The following ERG variants were observed in gnomAD, a reference collection of about 807,000 sequenced individuals.
ERG encodes ETS transcription factor ERG.
A neutral mutation model predicts 55.3 loss-of-function variants in ERG; 9 were observed. The observed-to-expected ratio is 0.16, with a 90% CI of 0.10 to 0.28. The LOEUF (loss-of-function observed/expected upper bound fraction) is 0.28, where lower values mean the gene tolerates loss of function less well. ERG is among the 10% of genes least tolerant of loss of function. The pLI, the probability that ERG is intolerant of heterozygous loss-of-function variation, is 1.00. For synonymous variants in ERG, 223 were observed against 237.3 expected (o/e 0.94, Z 0.55); for missense variants, 434 against 631.6 (o/e 0.69, Z 3.35).
intron 5 of ERG, 37 bp from the exon 6 acceptor site, chr21:38,400,682 T>C (rs369205798): frequency 1.5e-5 from 23 of 1,517,738 alleles, no homozygotes; most frequent in Non-Finnish European, 2.1e-5. Context: ...GTGAAGGTCT[T>C]TTGTTGTGGT....
intron 2 of ERG, among the ~76,000 whole-genome samples, chr21:38,568,309 T>C (rs1261890862): frequency 1.3e-5 from 2 of 152,226 alleles, no homozygotes; most frequent in African/African-American, 4.8e-5. Flanking sequence ...CAATACGTAA[T>C]GTGATGTGAT....
At chr21:38,373,024 G>A in the ERG span, among the ~76,000 whole-genome samples, 1 of 152,110 alleles carries the variant, frequency 6.6e-6, no homozygotes, top group African/African-American at 2.4e-5. Context: ...GGAAGCAAAA[G>A]TCTTCTGGTC....
At chr21:38,585,822 C>G (rs2146884510), upstream of ERG, among the ~76,000 whole-genome samples, 1 of 151,976 alleles carries the variant, frequency 6.6e-6, no homozygotes, top group South Asian at 2.1e-4. Flanking sequence ...TCTTCGAAAC[C>G]TATGCATAGA....
chr21:38,402,884 A>G (rs1457986566), intron 4 of ERG, among the ~76,000 whole-genome samples: 3 of 152,168 alleles, frequency 2.0e-5, no homozygotes, highest in Non-Finnish European at 4.4e-5. Flanking sequence ...TTGGGATGCC[A>G]GGCAAAGCAA....
chr21:38,603,421 C>A (rs2060176753), intron 1 of ERG, among the ~76,000 whole-genome samples: 1 of 151,954 alleles, frequency 6.6e-6, no homozygotes, highest in Non-Finnish European at 1.5e-5. Flanking sequence ...GAGATCGAGA[C>A]CATCCTGGTC....
intron 2 of ERG, among the ~76,000 whole-genome samples, chr21:38,426,303 T>C (rs571367120): frequency 2.7e-4 from 41 of 152,356 alleles, no homozygotes; most frequent in Middle Eastern, 3.4e-3. Flanking sequence ...ACACAGAGTG[T>C]CTTCACTTAG....
intron 1 of ERG, among the ~76,000 whole-genome samples, chr21:38,616,736 C>T (rs939350887): frequency 1.5e-4 from 23 of 152,122 alleles, no homozygotes; most frequent in African/African-American, 4.6e-4. Flanking sequence ...CCCTCCCCCA[C>T]CTCATTTTTA....
In ERG at chr21:38,382,133, A is replaced by G. The variant is rs1987466549; in HGVS notation, c.*1270T>C. 1 of 1,054,464 alleles carries G rather than the reference A, an allele frequency of 9.5e-7. No individual in the cohort carries two copies. Among genetic ancestry groups the G allele is most frequent in the Non-Finnish European group, 1.1e-6 (1 of 872,282 alleles). 65.3% of individuals were successfully genotyped at this position (1,054,464 alleles called of 1,614,324 possible). A position where few individuals can be genotyped will look rare whatever the true frequency, so the allele number is the denominator to read the frequency against. ...ATTAAGCATACAGAGTTAAAATTCAAGGCCACATTATATCGATTGTCTCTT... is the reference window on the plus strand; with the variant it reads ...ATTAAGCATACAGAGTTAAAATTCAGGGCCACATTATATCGATTGTCTCTT... On this transcript the variant is annotated 3_prime_UTR_variant, in exon 10 of 10. Coordinates refer to ENST00000288319, the MANE Select transcript of ERG (RefSeq NM_182918.4).
Position 38,382,694 on chromosome 21 carries a change from C to A in ERG, c.*709G>T, listed in dbSNP as rs1987503878. On this transcript the variant is annotated 3_prime_UTR_variant, in exon 10 of 10. Transcript: ENST00000288319. ...CCTCCTTCTCTGCCTCTTCCTCCTC[C>A]TTCTTCACCCCTCTGTCTACAATCA... The A allele has an allele frequency of 9.4e-7, 1 of 1,066,812 alleles. No individual in the cohort carries two copies. Among genetic ancestry groups the A allele is most frequent in the South Asian group, 4.5e-5 (1 of 21,982 alleles). The allele number at this position is 1,066,812 out of a possible 1,614,324, so 66.1% of individuals were successfully genotyped here.
intron 6 of ERG, among the ~76,000 whole-genome samples, chr21:38,394,840 T>C (rs992854383): frequency 1.3e-5 from 2 of 152,176 alleles, no homozygotes; most frequent in African/African-American, 4.8e-5. Context: ...CTTTTACCCA[T>C]GGCATAAGTA....
intron 1 of ERG, among the ~76,000 whole-genome samples, chr21:38,601,238 T>TTA (rs2060162761): frequency 6.6e-6 from 1 of 152,170 alleles, no homozygotes; most frequent in African/African-American, 2.4e-5. Context: ...AATGTCTGAA[T>TTA]AACACCACTG....
chr21:38,604,019 C>T (rs189297768), intron 1 of ERG, among the ~76,000 whole-genome samples: 125 of 151,822 alleles, frequency 8.2e-4, no homozygotes, highest in African/African-American at 2.8e-3. Flanking sequence ...GGGGCCGAGG[C>T]GGGCGGATCA....
rs1988872670 is a variant in ERG, at chr21:38,408,372, C to T, written c.389-4663G>A. On this transcript the variant is annotated intron_variant, in intron 3 of 9. Transcript: ENST00000288319. ...CCTCCATGCCTGTGCCACATGCCAC[C>T]CACAGCGTGAAGGACTAGCACCTTC... Among the ~76,000 whole-genome samples the T allele has an allele frequency of 2.0e-5, 3 of 152,196 alleles. No homozygotes were observed. The South Asian group carries it at 6.2e-4, about 32-fold the overall frequency.
At chr21:38,480,590 CCTT>C (rs1488910611) in intron 1 of ERG, among the ~76,000 whole-genome samples, 8 of 32,284 alleles carry the variant, frequency 2.5e-4, no homozygotes, top group East Asian at 1.6e-3. Flanking sequence ...CACTATATGG[CCTT>C]TTTTTTTTTT....
At chr21:38,577,257 T>C (rs2060000251) in intron 1 of ERG, among the ~76,000 whole-genome samples, 1 of 152,136 alleles carries the variant, frequency 6.6e-6, no homozygotes, top group Non-Finnish European at 1.5e-5. Context: ...GGCACACCCA[T>C]TCCAACCCAA....
intron 1 of ERG, among the ~76,000 whole-genome samples, chr21:38,639,715 C>A (rs941823931): frequency 1.3e-5 from 2 of 152,196 alleles, no homozygotes; most frequent in African/African-American, 4.8e-5. Flanking sequence ...TCCCAAGCTT[C>A]TTGATAACAA....
upstream of ERG, among the ~76,000 whole-genome samples, chr21:38,586,476 G>A (rs561433700): frequency 5.3e-5 from 8 of 151,976 alleles, no homozygotes; most frequent in East Asian, 9.7e-4. Context: ...GTTCCCCTAC[G>A]CTCAACATCA....
At position 38,498,320 on chromosome 21, in the gene ERG, C is replaced by A. The variant is rs370836808; in HGVS notation, c.18+43G>T. Reference sequence around the variant, plus strand: ...TAAAGGAAACCAAAGAAAAGAGTAACAAGAACAAGATTTTGTCAAATTAAA... The same window carrying A: ...TAAAGGAAACCAAAGAAAAGAGTAAAAAGAACAAGATTTTGTCAAATTAAA... On this transcript the variant is annotated intron_variant, in intron 1 of 9. Transcript: ENST00000288319. This position sits in a 1 kb window ranked among gnomAD's most constrained non-coding sequence, Gnocchi z 4.6. 1.3e-6 allele frequency: 2 copies of A among 1,575,148 alleles called. No homozygotes were observed. Among genetic ancestry groups the A allele is most frequent in the Non-Finnish European group, 8.7e-7 (1 of 1,147,408 alleles).
At chr21:38,452,215 C>A (rs2058947608) in intron 1 of ERG, among the ~76,000 whole-genome samples, 1 of 152,148 alleles carries the variant, frequency 6.6e-6, no homozygotes. Flanking sequence ...AGAAATGAGA[C>A]CCAGAACTAG....
Sources: allele counts gnomAD v4.1 joint callset (sites outside exome capture counted in the v4.1 genomes callset), GRCh38; gene constraint gnomAD v4.1.1; non-coding constraint Gnocchi (gnomAD v3.1); transcripts MANE v1.5; gene names NCBI Gene and HGNC (gene_info 2026-07-23, HGNC 2026-07-21).